Variants in MDGA2 observed in about 807,000 individuals in gnomAD.
MDGA2 encodes MAM domain containing glycosylphosphatidylinositol anchor 2, also known as MAM domain-containing glycosylphosphatidylinositol anchor protein 2.
A neutral mutation model predicts 117.8 loss-of-function variants in MDGA2; 40 were observed. The observed-to-expected ratio is 0.34, with a 90% confidence interval of 0.26 to 0.44. MDGA2 has a LOEUF of 0.44. Among genes scored for constraint, MDGA2 ranks in the 20% least tolerant of loss-of-function variants. The probability of loss-of-function intolerance (pLI) is 1.00; values close to 1 mark genes in which losing one functional copy is unlikely to be tolerated. For synonymous variants in MDGA2, 452 were observed against 439.0 expected, an observed-to-expected ratio of 1.03 and a Z score of -0.37; for missense variants, 1,123 against 1,250.6, an observed-to-expected ratio of 0.90 and a Z score of 1.54.
intron 1 of MDGA2, among the ~76,000 whole-genome samples, chr14:47,540,676 G>A (rs910609507): frequency 2.6e-5 from 4 of 151,200 alleles, no homozygotes; most frequent in Non-Finnish European, 4.4e-5. Flanking sequence ...CAATCCTCCT[G>A]CCTCAGCCTT....
chr14:47,346,627 A>G (rs546420862), intron 1 of MDGA2, among the ~76,000 whole-genome samples: 1 of 152,318 alleles, frequency 6.6e-6, no homozygotes, highest in Admixed American at 6.5e-5. Flanking sequence ...AATACTTTAC[A>G]TATTAGATAT....
intron 8 of MDGA2, among the ~76,000 whole-genome samples, chr14:46,969,262 C>T (rs1038379895): frequency 6.6e-6 from 1 of 152,130 alleles, no homozygotes; most frequent in African/African-American, 2.4e-5. Flanking sequence ...TGGCTATATA[C>T]CCAGTAATGG....
intron 2 of MDGA2, 88 bp downstream of exon 2, chr14:47,301,323 T>G: frequency 7.1e-7 from 1 of 1,401,654 alleles, no homozygotes; most frequent in Non-Finnish European, 9.7e-7. Context: ...ACACACACAG[T>G]TTTAGCTAAA....
intron 1 of MDGA2, among the ~76,000 whole-genome samples, chr14:47,438,452 G>A (rs952266415): frequency 6.6e-6 from 1 of 152,142 alleles, no homozygotes; most frequent in African/African-American, 2.4e-5. Context: ...GTTTACATAC[G>A]TGAGAAATGG....
chr14:47,396,090 C>T (rs1892002557), intron 1 of MDGA2, among the ~76,000 whole-genome samples: 1 of 152,116 alleles, frequency 6.6e-6, no homozygotes, highest in Admixed American at 6.6e-5. Flanking sequence ...GAGGCAAGTG[C>T]ACAAATCAAT....
intron 6 of MDGA2, among the ~76,000 whole-genome samples, chr14:47,090,633 T>C (rs917794071): frequency 1.3e-5 from 2 of 152,162 alleles, no homozygotes; most frequent in African/African-American, 4.8e-5. Flanking sequence ...TTCCAGGGAG[T>C]GGGCCAGATT....
intron 9 of MDGA2, among the ~76,000 whole-genome samples, chr14:46,953,477 T>C (rs867528095): frequency 6.6e-6 from 1 of 152,134 alleles, no homozygotes; most frequent in Middle Eastern, 3.4e-3. Context: ...TCCTGGATTA[T>C]ATAGGGAACA....
At position 47,458,617 on chromosome 14, in the gene MDGA2, G is replaced by C. The variant is rs568069039; in HGVS notation, c.281-157067C>G. On this transcript the variant is annotated intron_variant, in intron 1 of 16. Transcript: ENST00000399232. Reference sequence around the variant, plus strand: ...TGTGACCATAGGTAACAACTCTCTGGTGTATACTTGAAATGTGCTAAGAGG... The same window carrying C: ...TGTGACCATAGGTAACAACTCTCTGCTGTATACTTGAAATGTGCTAAGAGG... Among the ~76,000 whole-genome samples, 19 of 152,166 alleles carry C rather than the reference G, an allele frequency of 1.2e-4. 1 individual carries two copies. Among genetic ancestry groups the C allele is most frequent in the African/African-American group, 4.3e-4 (18 of 41,516 alleles).
chr14:47,290,670 A>C (rs1163526001), intron 2 of MDGA2, among the ~76,000 whole-genome samples: 1 of 152,132 alleles, frequency 6.6e-6, no homozygotes, highest in Non-Finnish European at 1.5e-5. Context: ...AAAGAAGAAG[A>C]TACTAGGGTC....
intron 1 of MDGA2, among the ~76,000 whole-genome samples, chr14:47,376,287 C>T (rs1399877032): frequency 6.6e-6 from 1 of 151,966 alleles, no homozygotes; most frequent in Non-Finnish European, 1.5e-5. Context: ...GCAAATGAGC[C>T]AAATATTTTA....
chr14:47,497,728 CATA>C (rs992899087), intron 1 of MDGA2, among the ~76,000 whole-genome samples: 5 of 152,004 alleles, frequency 3.3e-5, no homozygotes, highest in South Asian at 2.1e-4. Flanking sequence ...GTTAAAGTAA[CATA>C]ATAATAAAAT....
intron 5 of MDGA2, among the ~76,000 whole-genome samples, chr14:47,119,435 A>G (rs1295342153): frequency 1.3e-5 from 2 of 152,064 alleles, no homozygotes; most frequent in African/African-American, 4.8e-5. Flanking sequence ...CATATCTAAC[A>G]TTTTTCTTAA....
At chr14:46,967,962 C>T (rs1056332705) in intron 8 of MDGA2, among the ~76,000 whole-genome samples, 7 of 151,950 alleles carry the variant, frequency 4.6e-5, no homozygotes, top group Non-Finnish European at 8.8e-5. Flanking sequence ...GAGTGAGTGA[C>T]TGACCCCCAG....
intron 2 of MDGA2, among the ~76,000 whole-genome samples, chr14:47,292,525 G>A (rs1444951714): frequency 6.6e-6 from 1 of 152,090 alleles, no homozygotes; most frequent in African/African-American, 2.4e-5. Flanking sequence ...TGCTAGCTCA[G>A]GATCTGTACC....
intron 1 of MDGA2, among the ~76,000 whole-genome samples, chr14:47,575,311 T>C (rs1896096222): frequency 6.6e-6 from 1 of 152,208 alleles, no homozygotes; most frequent in Non-Finnish European, 1.5e-5. Context: ...ATTTTCATCA[T>C]TTTAATGAAC....
intron 2 of MDGA2, among the ~76,000 whole-genome samples, chr14:47,263,797 T>A (rs1217715544): frequency 1.3e-5 from 2 of 152,124 alleles, no homozygotes; most frequent in Non-Finnish European, 2.9e-5. Context: ...AAATGAAAAA[T>A]TAATTTATTA....
intron 10 of MDGA2, among the ~76,000 whole-genome samples, chr14:46,896,257 A>G (rs1883072475): frequency 6.6e-6 from 1 of 152,178 alleles, no homozygotes; most frequent in Non-Finnish European, 1.5e-5. Context: ...ATTGACAATG[A>G]TAAAAAATTT....
At chr14:47,546,694 G>GCCCT (rs1465130042) in intron 1 of MDGA2, among the ~76,000 whole-genome samples, 2 of 152,160 alleles carry the variant, frequency 1.3e-5, no homozygotes, top group African/African-American at 4.8e-5. Context: ...TTTGACCAGG[G>GCCCT]ATCTGGCCAT....
intron 16 of MDGA2, among the ~76,000 whole-genome samples, chr14:46,844,178 T>G (rs149671393): frequency 6.6e-6 from 1 of 152,252 alleles, no homozygotes; most frequent in African/African-American, 2.4e-5. Flanking sequence ...AAAATCAAAT[T>G]ATTAAACAAG....
Sources: allele counts gnomAD v4.1 joint callset (sites outside exome capture counted in the v4.1 genomes callset), GRCh38; gene constraint gnomAD v4.1.1; transcripts MANE v1.5; gene names NCBI Gene and HGNC (gene_info 2026-07-23, HGNC 2026-07-21).